C10orf90: variants seen among roughly 807,000 people sequenced by gnomAD.
The protein encoded by C10orf90 is chromosome 10 open reading frame 90.
In C10orf90, 56 loss-of-function variants were observed where a neutral mutation model predicts 62.5. That is an observed-to-expected ratio of 0.90 (90% CI 0.72 to 1.12). The LOEUF is 1.12. Ranked by LOEUF, C10orf90 falls within the 50% of genes most tolerant of loss-of-function variation. The pLI is 0.00. For synonymous variants in C10orf90, 386 were observed against 340.4 expected (o/e 1.13, Z -1.47); for missense variants, 970 against 880.4 (o/e 1.10, Z -1.29).
At chr10:126,642,573 C>T (rs1453386715) in intron 2 of C10orf90, among the ~76,000 whole-genome samples, 1 of 152,086 alleles carries the variant, frequency 6.6e-6, no homozygotes, top group Non-Finnish European at 1.5e-5. Flanking sequence ...CTGTGGTTTT[C>T]AGGACAGTGC....
chr10:126,446,267 C>T (rs1858773841), intron 7 of C10orf90, among the ~76,000 whole-genome samples: 1 of 151,800 alleles, frequency 6.6e-6, no homozygotes, highest in South Asian at 2.1e-4. Context: ...TATAAACGTC[C>T]AGATACAGGA....
At chr10:126,512,941 G>C (rs2133916700) in intron 3 of C10orf90, among the ~76,000 whole-genome samples, 1 of 152,296 alleles carries the variant, frequency 6.6e-6, no homozygotes, top group South Asian at 2.1e-4. Flanking sequence ...CTAAATCAAA[G>C]TAATACCTAA....
intron 2 of C10orf90, among the ~76,000 whole-genome samples, chr10:126,615,498 C>T (rs372641941): frequency 4.6e-5 from 7 of 152,272 alleles, no homozygotes; most frequent in South Asian, 2.1e-4. Context: ...AAAAAAGATG[C>T]CTTTGAAGCA....
At chr10:126,617,999 G>A (rs543369609) in intron 2 of C10orf90, among the ~76,000 whole-genome samples, 208 of 152,352 alleles carry the variant, frequency 1.4e-3, no homozygotes, top group African/African-American at 4.9e-3. Flanking sequence ...CATAATGGAT[G>A]AGGCCCCTTC....
At chr10:126,608,562 A>G (rs866054821) in intron 2 of C10orf90, among the ~76,000 whole-genome samples, 2 of 152,354 alleles carry the variant, frequency 1.3e-5, no homozygotes, top group South Asian at 2.1e-4. Context: ...CAATTATCTG[A>G]AAAAGCTATT....
chr10:126,563,351 T>A (rs576856986), intron 2 of C10orf90, among the ~76,000 whole-genome samples: 4 of 152,150 alleles, frequency 2.6e-5, no homozygotes, highest in Middle Eastern at 3.4e-3. Context: ...GTGAAATAGA[T>A]CCTGGGCAGC....
chr10:126,444,700 G>A lies in C10orf90; in HGVS notation c.2188+14340C>T, dbSNP rs562745163. On this transcript the variant is annotated intron_variant, in intron 7 of 9. Transcript: ENST00000488181. ...AAAATCCATGTGAAATCAAAAAAGA[G>A]CCCACATAGCCAAACCAAGACTAAG... 1.4e-4 allele frequency among the ~76,000 whole-genome samples: 22 copies of A among 152,146 alleles called. No individual in the cohort carries two copies. The East Asian group carries it at 1.7e-3, about 12-fold the overall frequency.
intron 6 of C10orf90, 24 bp downstream of exon 6, chr10:126,461,377 G>A (rs1322796760): frequency 6.2e-7 from 1 of 1,610,226 alleles, no homozygotes; most frequent in Non-Finnish European, 8.5e-7. Context: ...CAGGAATCAA[G>A]CCAGGACACA....
intron 2 of C10orf90, among the ~76,000 whole-genome samples, chr10:126,543,390 A>G (rs1864420348): frequency 6.6e-6 from 1 of 152,236 alleles, no homozygotes; most frequent in African/African-American, 2.4e-5. Flanking sequence ...AGTGCTTAGC[A>G]TTATGTCTGG....
At chr10:126,616,072 G>A (rs1260140396) in intron 2 of C10orf90, among the ~76,000 whole-genome samples, 2 of 152,188 alleles carry the variant, frequency 1.3e-5, no homozygotes, top group Admixed American at 1.3e-4. Flanking sequence ...ATTTCTGCTG[G>A]ACCATTGACC....
In C10orf90 at chr10:126,453,226, T is replaced by C. The variant is rs1859318659; in HGVS notation, c.2188+5814A>G. The stretch of plus-strand genomic sequence containing the variant: ...CTTGGGAAGTGCGGATAATGCAATT[T>C]GGATGAATTCAGTCTGCTGTGCTAG... On this transcript the variant is annotated intron_variant, in intron 7 of 9. Transcript: ENST00000488181. This position sits in a 1 kb window ranked among gnomAD's most constrained non-coding sequence, Gnocchi z 4.9. 6.6e-6 allele frequency among the ~76,000 whole-genome samples: 1 copy of C among 152,202 alleles called. No individual in the cohort carries two copies. Among genetic ancestry groups the C allele is most frequent in the Non-Finnish European group, 1.5e-5 (1 of 68,036 alleles).
In C10orf90 at chr10:126,440,140, C is replaced by T. The variant is rs571140210; in HGVS notation, c.2189-10290G>A. On this transcript the variant is annotated intron_variant, in intron 7 of 9. Coordinates refer to ENST00000488181, the MANE Select transcript of C10orf90 (RefSeq NM_001350921.2). ...AAAGCCCTTTTCTTTCACAGCTGGG[C>T]GGCAGGTAGCTTGGGGCAAGTTCTT... 7.9e-5 allele frequency among the ~76,000 whole-genome samples: 12 copies of T among 152,234 alleles called. No homozygotes were observed. The South Asian group carries it at 1.0e-3, about 13-fold the overall frequency.
intron 2 of C10orf90, chr10:126,524,618 C>T (rs2133946750): frequency 1.0e-6 from 1 of 985,448 alleles, no homozygotes; most frequent in Non-Finnish European, 1.2e-6. Flanking sequence ...GCATGATATG[C>T]TGGGAGGGGT....
chr10:126,570,982 A>G (rs949165701), intron 2 of C10orf90, among the ~76,000 whole-genome samples: 2 of 152,214 alleles, frequency 1.3e-5, no homozygotes, highest in African/African-American at 4.8e-5. Context: ...CTCCAATGCC[A>G]TTTCCATCCC....
intron 2 of C10orf90, among the ~76,000 whole-genome samples, chr10:126,572,101 C>T (rs1260275824): frequency 6.6e-6 from 1 of 152,118 alleles, no homozygotes; most frequent in Non-Finnish European, 1.5e-5. Flanking sequence ...GGGCTGTATT[C>T]CCAGGAGGTT....
At chr10:126,593,161 T>C (rs1312740865) in intron 2 of C10orf90, among the ~76,000 whole-genome samples, 1 of 152,182 alleles carries the variant, frequency 6.6e-6, no homozygotes, top group Non-Finnish European at 1.5e-5. Flanking sequence ...GGAAATGCCA[T>C]TTGACCCAGC....
At chr10:126,572,825 C>T (rs1476306063) in intron 2 of C10orf90, among the ~76,000 whole-genome samples, 1 of 152,032 alleles carries the variant, frequency 6.6e-6, no homozygotes, top group Non-Finnish European at 1.5e-5. Flanking sequence ...CTCCTACCAG[C>T]ACCATGACAG....
At chr10:126,663,449 C>T (rs543829984) in intron 1 of C10orf90, among the ~76,000 whole-genome samples, 44 of 152,354 alleles carry the variant, frequency 2.9e-4, no homozygotes, top group African/African-American at 1.1e-3. Flanking sequence ...TGCACCATCT[C>T]TCTGGCCTCA....
chr10:126,439,736 A>G (rs1564792674), intron 7 of C10orf90, among the ~76,000 whole-genome samples: 1 of 152,198 alleles, frequency 6.6e-6, no homozygotes, highest in Non-Finnish European at 1.5e-5. Flanking sequence ...GTGAATTCAA[A>G]GGCAGGTTAT....
Sources: allele counts gnomAD v4.1 joint callset (sites outside exome capture counted in the v4.1 genomes callset), GRCh38; gene constraint gnomAD v4.1.1; non-coding constraint Gnocchi (gnomAD v3.1); transcripts MANE v1.5; gene names NCBI Gene and HGNC (gene_info 2026-07-23, HGNC 2026-07-21).